The following ARHGAP24 variants were observed in gnomAD, a reference collection of about 807,000 sequenced individuals.
ARHGAP24 encodes Rho GTPase activating protein 24.
ARHGAP24 carries 50 observed loss-of-function variants against 76.4 expected under a neutral mutation model. The observed-to-expected ratio is 0.65, with a 90% confidence interval of 0.52 to 0.83. ARHGAP24 has a LOEUF of 0.83. Among genes scored for constraint, ARHGAP24 ranks in the 40% least tolerant of loss-of-function variants. The pLI, the probability that ARHGAP24 is intolerant of heterozygous loss-of-function variation, is 0.00. For missense variants in ARHGAP24, 930 were observed against 914.2 expected (o/e 1.02, Z -0.22); for synonymous variants, 345 against 323.3 (o/e 1.07, Z -0.72).
At chr4:85,813,683 T>C (rs982297850) in intron 3 of ARHGAP24, among the ~76,000 whole-genome samples, 1 of 151,608 alleles carries the variant, frequency 6.6e-6, no homozygotes, top group Admixed American at 6.6e-5. Context: ...AAGGTATAAT[T>C]GACAAAGAAA....
chr4:85,675,975 C>T (rs1001316648), intron 2 of ARHGAP24, among the ~76,000 whole-genome samples: 3 of 151,990 alleles, frequency 2.0e-5, no homozygotes, highest in Non-Finnish European at 2.9e-5. Flanking sequence ...ACACTGTCTC[C>T]CACTGTGAGG....
chr4:85,806,945 C>T (rs1307731280), intron 3 of ARHGAP24, among the ~76,000 whole-genome samples: 1 of 152,022 alleles, frequency 6.6e-6, no homozygotes. Flanking sequence ...TAACAAAAGA[C>T]CTATATTATG....
chr4:85,577,898 T>C (rs535707141), intron 2 of ARHGAP24, among the ~76,000 whole-genome samples: 1 of 152,160 alleles, frequency 6.6e-6, no homozygotes, highest in Admixed American at 6.5e-5. Context: ...TTGATAATGG[T>C]CAAGTATTCC....
intron 2 of ARHGAP24, among the ~76,000 whole-genome samples, chr4:85,675,793 T>G (rs1236192404): frequency 2.0e-5 from 3 of 152,178 alleles, no homozygotes; most frequent in Non-Finnish European, 4.4e-5. Flanking sequence ...TGCCTTATTG[T>G]TTGAACATTC....
Position 85,621,438 on chromosome 4 carries a change from T to G in ARHGAP24, c.180+50717T>G, listed in dbSNP as rs377393030. Among the ~76,000 whole-genome samples the G allele has an allele frequency of 7.9e-5, 12 of 152,236 alleles. No individual in the cohort carries two copies. The South Asian group carries it at 2.3e-3, about 29-fold the overall frequency. ...CTTCTTTGCCAACATCTGTTATATT[T>G]TGACTTTTTAATAACAGCCATTTTG... On this transcript the variant is annotated intron_variant, in intron 2 of 9. Transcript: ENST00000395184.
At chr4:85,930,856 A>G (rs1166618114) in intron 4 of ARHGAP24, 7 of 1,606,882 alleles carry the variant, frequency 4.4e-6, no homozygotes, top group Non-Finnish European at 5.9e-6. Flanking sequence ...AAGCATGAGG[A>G]GTGGCTGTTG....
chr4:85,904,346 A>T (rs1000058828), intron 3 of ARHGAP24, among the ~76,000 whole-genome samples: 52 of 152,086 alleles, frequency 3.4e-4, no homozygotes, highest in Admixed American at 3.4e-3. Context: ...CACACTTTTA[A>T]ATAACTACAT....
At chr4:85,717,949 C>T (rs553889447) in intron 2 of ARHGAP24, among the ~76,000 whole-genome samples, 24 of 152,186 alleles carry the variant, frequency 1.6e-4, no homozygotes, top group East Asian at 1.2e-3. Context: ...ATATTACTTT[C>T]GAGTTAGATT....
chr4:85,635,191 TG>T (rs1164027222), intron 2 of ARHGAP24, among the ~76,000 whole-genome samples: 1 of 151,812 alleles, frequency 6.6e-6, no homozygotes, highest in African/African-American at 2.4e-5. Flanking sequence ...AAAACTTTGT[TG>T]GGGAAAATGG....
At chr4:85,706,488 G>A (rs531967090) in intron 2 of ARHGAP24, among the ~76,000 whole-genome samples, 1 of 151,648 alleles carries the variant, frequency 6.6e-6, no homozygotes, top group South Asian at 2.1e-4. Flanking sequence ...TAAAAATCTA[G>A]TGAAACAGAT....
At chr4:85,969,156 G>T (rs1049388466) in intron 5 of ARHGAP24, among the ~76,000 whole-genome samples, 4 of 151,972 alleles carry the variant, frequency 2.6e-5, no homozygotes, top group African/African-American at 9.7e-5. Context: ...CCATCCCATT[G>T]TCTAACTTTG....
chr4:85,821,896 C>T (rs956572530), intron 3 of ARHGAP24, among the ~76,000 whole-genome samples: 3 of 151,938 alleles, frequency 2.0e-5, no homozygotes, highest in Admixed American at 6.6e-5. Flanking sequence ...GGTTACAGGC[C>T]AAAGCGAAGA....
chr4:85,670,371 T>A (rs1722780354), intron 2 of ARHGAP24, among the ~76,000 whole-genome samples: 1 of 152,208 alleles, frequency 6.6e-6, no homozygotes, highest in African/African-American at 2.4e-5. Context: ...TAATAAGTGC[T>A]ACGTTAGCCA....
chr4:85,647,340 A>G (rs1288985780), intron 2 of ARHGAP24, among the ~76,000 whole-genome samples: 1 of 152,106 alleles, frequency 6.6e-6, no homozygotes, highest in Non-Finnish European at 1.5e-5. Context: ...AAAATGGGAA[A>G]AATTATCTAA....
At position 85,994,983 on chromosome 4, in the gene ARHGAP24, A is replaced by C. The variant is rs1218326338; in HGVS notation, c.1329A>C (p.Ala443=). The change falls in exon 9 of 10, where the codon GCA becomes GCC. Residue 443 remains alanine, a synonymous_variant. Transcript: ENST00000395184. ...VTNGSFSSSN[A]EGLEKTQTTP... is the part of the protein sequence containing the mutation. ...ATGGGTCCTTCAGCAGCAGTAATGCAGAAGGTCTTGAGAAAACCCAAACCA... is the reference window on the plus strand; with the variant it reads ...ATGGGTCCTTCAGCAGCAGTAATGCCGAAGGTCTTGAGAAAACCCAAACCA... 3.1e-6 allele frequency: 5 copies of C among 1,614,044 alleles called. No individual in the cohort carries two copies. The highest frequency in any genetic ancestry group is 1.6e-4 in the Middle Eastern group (1 of 6,084).
chr4:85,668,203 G>T (rs937962921), intron 2 of ARHGAP24, among the ~76,000 whole-genome samples: 1 of 152,046 alleles, frequency 6.6e-6, no homozygotes, highest in African/African-American at 2.4e-5. Context: ...TGTTTTAGTT[G>T]GTTTACTCTA....
At chr4:85,487,768 A>T (rs1399574519) in intron 1 of ARHGAP24, among the ~76,000 whole-genome samples, 2 of 106,954 alleles carry the variant, frequency 1.9e-5, no homozygotes, top group Non-Finnish European at 3.4e-5. Context: ...ATATTATATA[A>T]TATATATTTA....
chr4:85,503,380 G>C (rs1263981067), intron 1 of ARHGAP24, among the ~76,000 whole-genome samples: 1 of 152,066 alleles, frequency 6.6e-6, no homozygotes, highest in Middle Eastern at 3.2e-3. Flanking sequence ...GTTAATTATT[G>C]CCTCAATTTC....
intron 2 of ARHGAP24, among the ~76,000 whole-genome samples, chr4:85,715,500 A>C (rs1724699542): frequency 6.6e-6 from 1 of 152,032 alleles, no homozygotes; most frequent in Non-Finnish European, 1.5e-5. Context: ...ATCTATTTTT[A>C]TCCCATTTTA....
Sources: allele counts gnomAD v4.1 joint callset (sites outside exome capture counted in the v4.1 genomes callset), GRCh38; gene constraint gnomAD v4.1.1; transcripts MANE v1.5; gene names NCBI Gene and HGNC (gene_info 2026-07-23, HGNC 2026-07-21).